NTM: variants seen among roughly 807,000 people sequenced by gnomAD.
NTM encodes IgLON family member 2.
In NTM, 13 loss-of-function variants were observed where a neutral mutation model predicts 42.1. The ratio of observed to expected loss-of-function variants is 0.31; its 90% CI spans 0.20 to 0.49. The LOEUF (loss-of-function observed/expected upper bound fraction) is 0.49. NTM is among the 20% of genes least tolerant of loss of function. The pLI is 0.99. For missense variants in NTM, 373 were observed against 452.8 expected (o/e 0.82, Z 1.60); for synonymous variants, 187 against 179.2 (o/e 1.04, Z -0.35).
At chr11:131,905,851 C>T (rs567825396) in intron 1 of NTM, among the ~76,000 whole-genome samples, 28 of 152,204 alleles carry the variant, frequency 1.8e-4, no homozygotes, top group African/African-American at 5.5e-4. Flanking sequence ...CCTCCTAATA[C>T]CCCTTCCAGT....
At chr11:132,188,972 G>A (rs969393755) in intron 3 of NTM, among the ~76,000 whole-genome samples, 1 of 152,162 alleles carries the variant, frequency 6.6e-6, no homozygotes, top group Non-Finnish European at 1.5e-5. Flanking sequence ...TGTGGGATGT[G>A]AGCATAAGAG....
At chr11:131,537,604 C>T (rs1192360914) in intron 1 of NTM, 1 of 152,242 alleles carries the variant, frequency 6.6e-6, no homozygotes. Flanking sequence ...GCTTAAAAGG[C>T]AGACAAGATG....
intron 1 of NTM, among the ~76,000 whole-genome samples, chr11:131,517,051 A>G (rs1188188116): frequency 2.0e-5 from 3 of 152,194 alleles, no homozygotes; most frequent in Non-Finnish European, 4.4e-5. Context: ...AAGGAAGAAT[A>G]AACAGCCTGA....
intron 2 of NTM, among the ~76,000 whole-genome samples, chr11:131,976,135 C>CCTTCCTTCCTTCCTTCCTTCCTTT (rs1169768913): frequency 7.1e-6 from 1 of 140,276 alleles, no homozygotes; most frequent in Non-Finnish European, 1.6e-5. Context: ...TTCCTTCCTT[C>CCTTCCTTCCTTCCTTCCTTCCTTT]CTTCCTTCCT....
chr11:132,112,718 TACACACACACACACAC>T (rs61630313), intron 2 of NTM, among the ~76,000 whole-genome samples: 32 of 142,156 alleles, frequency 2.3e-4, no homozygotes, highest in African/African-American at 4.7e-4. Context: ...ACTGCACACT[TACACACACACACACAC>T]ACACACACAC....
chr11:132,048,811 CTTT>C (rs1566026708), intron 2 of NTM, among the ~76,000 whole-genome samples: 2 of 99,390 alleles, frequency 2.0e-5, no homozygotes, highest in Non-Finnish European at 3.8e-5. Flanking sequence ...TTTTTCTTTT[CTTT>C]TTTCTTTTTT....
chr11:132,071,202 A>G lies in NTM; in HGVS notation c.168-75080A>G, dbSNP rs111643821. Among the ~76,000 whole-genome samples the G allele has an allele frequency of 2.6e-3, 367 of 140,606 alleles. 3 individuals are homozygous for G. Among genetic ancestry groups the G allele is most frequent in the African/African-American group, 9.1e-3 (349 of 38,330 alleles). 92.2% of individuals were successfully genotyped at this position (140,606 alleles called of 152,430 possible). A position where few individuals can be genotyped will look rare whatever the true frequency, so the allele number is the denominator to read the frequency against. Reference sequence around the variant, plus strand: ...AGTTAACACGTCACACAGCCAAGTTAACACGTCACACTGACCATCACAGGT... The same window carrying G: ...AGTTAACACGTCACACAGCCAAGTTGACACGTCACACTGACCATCACAGGT... On this transcript the variant is annotated intron_variant, in intron 2 of 8. Coordinates refer to ENST00000683400, the MANE Select transcript of NTM (RefSeq NM_001352005.2).
intron 3 of NTM, among the ~76,000 whole-genome samples, chr11:132,156,660 G>C (rs1591878652): frequency 6.6e-6 from 1 of 151,706 alleles, no homozygotes; most frequent in East Asian, 1.9e-4. Flanking sequence ...CTTTTTTATT[G>C]TATTATAATT....
At chr11:131,442,143 G>A (rs574725890) in intron 1 of NTM, among the ~76,000 whole-genome samples, 1 of 152,302 alleles carries the variant, frequency 6.6e-6, no homozygotes, top group East Asian at 1.9e-4. Flanking sequence ...AGCCTTAACT[G>A]AGCATCCAGG....
chr11:132,148,924 C>A (rs1316030271), intron 3 of NTM, among the ~76,000 whole-genome samples: 2 of 152,062 alleles, frequency 1.3e-5, no homozygotes, highest in Non-Finnish European at 2.9e-5. Flanking sequence ...TAGCTAGGTG[C>A]CCTCTCGCAT....
At chr11:132,081,468 C>T (rs185990186) in intron 2 of NTM, among the ~76,000 whole-genome samples, 212 of 152,184 alleles carry the variant, frequency 1.4e-3, no homozygotes, top group African/African-American at 4.8e-3. Flanking sequence ...CACGGTGGCT[C>T]GCGCCTGTAA....
At chr11:131,484,150 G>A (rs993749557) in intron 1 of NTM, among the ~76,000 whole-genome samples, 4 of 152,158 alleles carry the variant, frequency 2.6e-5, no homozygotes, top group Non-Finnish European at 5.9e-5. Flanking sequence ...AAAGAAAGCA[G>A]TGATTACAGG....
intron 1 of NTM, among the ~76,000 whole-genome samples, chr11:131,410,846 A>G (rs541023907): frequency 1.3e-5 from 2 of 152,348 alleles, no homozygotes; most frequent in South Asian, 4.1e-4. Flanking sequence ...GCTCGAGGGC[A>G]TCAGCAAGGT....
intron 3 of NTM, among the ~76,000 whole-genome samples, chr11:132,202,850 A>G (rs1270667779): frequency 6.6e-6 from 1 of 152,184 alleles, no homozygotes; most frequent in Non-Finnish European, 1.5e-5. Context: ...ATCCTGAAAA[A>G]ATCACTAGGT....
intron 1 of NTM, among the ~76,000 whole-genome samples, chr11:131,512,353 A>G (rs553449350): frequency 6.6e-6 from 1 of 152,210 alleles, no homozygotes; most frequent in African/African-American, 2.4e-5. Flanking sequence ...GCAAGGCCTC[A>G]GTAGACCACG....
chr11:132,227,832 T>C (rs2086634044), intron 4 of NTM, among the ~76,000 whole-genome samples: 1 of 152,208 alleles, frequency 6.6e-6, no homozygotes, highest in Admixed American at 6.5e-5. Context: ...CCACTGGGGA[T>C]TGATAGTTGT....
chr11:132,083,477 C>G (rs2059337385), intron 2 of NTM, among the ~76,000 whole-genome samples: 1 of 152,186 alleles, frequency 6.6e-6, no homozygotes, highest in African/African-American at 2.4e-5. Flanking sequence ...TAAAGCTGAG[C>G]CTAGCCATGG....
At chr11:131,952,943 T>G (rs1273154502) in intron 2 of NTM, among the ~76,000 whole-genome samples, 1 of 152,206 alleles carries the variant, frequency 6.6e-6, no homozygotes, top group Non-Finnish European at 1.5e-5. Context: ...TTGCTGTTGT[T>G]ATTCTGATCT....
chr11:131,851,963 C>T (rs1025207380), intron 1 of NTM, among the ~76,000 whole-genome samples: 4 of 152,116 alleles, frequency 2.6e-5, no homozygotes, highest in Non-Finnish European at 5.9e-5. Flanking sequence ...AATCAATTTG[C>T]CTGCCTGGAA....
Sources: allele counts gnomAD v4.1 joint callset (sites outside exome capture counted in the v4.1 genomes callset), GRCh38; gene constraint gnomAD v4.1.1; transcripts MANE v1.5; gene names NCBI Gene and HGNC (gene_info 2026-07-23, HGNC 2026-07-21).